The following MAGI2 variants were observed in gnomAD, a reference collection of about 807,000 sequenced individuals.
The protein encoded by MAGI2 is membrane-associated guanylate kinase, WW and PDZ domain-containing protein 2.
MAGI2 carries 35 observed loss-of-function variants against 133.3 expected under a neutral mutation model. That is an observed-to-expected ratio of 0.26 (90% CI 0.20 to 0.35). The LOEUF (loss-of-function observed/expected upper bound fraction) is 0.35. Ranked by LOEUF, MAGI2 falls within the 10% of genes least tolerant of loss-of-function variation. The probability of loss-of-function intolerance (pLI) is 1.00; values close to 1 mark genes in which losing one functional copy is unlikely to be tolerated. For missense variants in MAGI2, 1,636 were observed against 1,863.4 expected (o/e 0.88, Z 2.25); for synonymous variants, 729 against 710.6 (o/e 1.03, Z -0.41).
chr7:78,706,737 G>T (rs1016820807), intron 2 of MAGI2, among the ~76,000 whole-genome samples: 1 of 152,116 alleles, frequency 6.6e-6, no homozygotes, highest in Admixed American at 6.6e-5. Flanking sequence ...GAGAACAGAA[G>T]ATAGCTTGGC....
intron 7 of MAGI2, among the ~76,000 whole-genome samples, chr7:78,349,057 A>G (rs764109355): frequency 6.6e-6 from 1 of 152,204 alleles, no homozygotes; most frequent in Non-Finnish European, 1.5e-5. Context: ...GTGACGTAGT[A>G]TACAGCATCC....
intron 6 of MAGI2, among the ~76,000 whole-genome samples, chr7:78,482,878 T>TAC (rs3086358): frequency 0.19 from 16,915 of 89,206 alleles, 1,003 homozygotes; most frequent in Middle Eastern, 0.22. Flanking sequence ...CACATGGAAC[T>TAC]ACACACACAC....
At chr7:78,107,525 T>A (rs1818820909) in intron 20 of MAGI2, among the ~76,000 whole-genome samples, 1 of 152,158 alleles carries the variant, frequency 6.6e-6, no homozygotes, top group Non-Finnish European at 1.5e-5. Flanking sequence ...CTTTCATCTA[T>A]GTTTTATAGT....
chr7:78,874,163 T>A (rs1207344082), intron 2 of MAGI2, among the ~76,000 whole-genome samples: 1 of 152,050 alleles, frequency 6.6e-6, no homozygotes, highest in African/African-American at 2.4e-5. Context: ...TGTAACACTA[T>A]GAAAACAATT....
intron 9 of MAGI2, among the ~76,000 whole-genome samples, chr7:78,332,164 T>C (rs1236039775): frequency 1.3e-5 from 2 of 152,106 alleles, no homozygotes; most frequent in East Asian, 1.9e-4. Context: ...TGATTTTAAA[T>C]GAAGAGGGAA....
chr7:78,830,699 T>C (rs2151441341), intron 2 of MAGI2, among the ~76,000 whole-genome samples: 1 of 152,284 alleles, frequency 6.6e-6, no homozygotes, highest in East Asian at 1.9e-4. Context: ...AGCTTGGAAC[T>C]TAGAGTGTGA....
At chr7:78,057,577 G>T (rs1584966086) in intron 21 of MAGI2, among the ~76,000 whole-genome samples, 1 of 152,188 alleles carries the variant, frequency 6.6e-6, no homozygotes, top group East Asian at 1.9e-4. Context: ...ATTTTGATTT[G>T]CATTGCCCTG....
intron 21 of MAGI2, among the ~76,000 whole-genome samples, chr7:78,063,527 C>T (rs1813501698): frequency 6.6e-6 from 1 of 152,198 alleles, no homozygotes; most frequent in African/African-American, 2.4e-5. Context: ...CAGCTGTGAG[C>T]CACCGTGCCC....
At chr7:79,001,987 T>TA (rs1806905055) in intron 2 of MAGI2, among the ~76,000 whole-genome samples, 2 of 152,300 alleles carry the variant, frequency 1.3e-5, no homozygotes, top group East Asian at 3.9e-4. Flanking sequence ...GGTTAGTCTT[T>TA]ATCACATTCT....
chr7:78,310,981 C>G (rs1798653118), intron 9 of MAGI2, among the ~76,000 whole-genome samples: 1 of 152,122 alleles, frequency 6.6e-6, no homozygotes, highest in Admixed American at 6.5e-5. Flanking sequence ...GATGAGATAA[C>G]AAATAATGGT....
chr7:79,099,326 A>G (rs1309638214), intron 1 of MAGI2, among the ~76,000 whole-genome samples: 2 of 152,196 alleles, frequency 1.3e-5, no homozygotes, highest in Non-Finnish European at 2.9e-5. Flanking sequence ...AATGAAATAA[A>G]AAACACCAAA....
chr7:78,431,074 C>CTGTGTGTGTGTGTGTGTGTGTGTGTG (rs147567944), intron 6 of MAGI2, among the ~76,000 whole-genome samples: 194 of 146,498 alleles, frequency 1.3e-3, no homozygotes, highest in African/African-American at 4.5e-3. Flanking sequence ...GTGAGGTAGG[C>CTGTGTGTGTGTGTGTGTGTGTGTGTG]TGTGTGTGTG....
chr7:78,401,809 C>A (rs1000271822), intron 6 of MAGI2, among the ~76,000 whole-genome samples: 6 of 152,144 alleles, frequency 3.9e-5, no homozygotes, highest in African/African-American at 1.4e-4. Flanking sequence ...ACCTACCACA[C>A]AGGACTGAGG....
intron 9 of MAGI2, among the ~76,000 whole-genome samples, chr7:78,321,698 A>C (rs1788020298): frequency 6.6e-6 from 1 of 152,232 alleles, no homozygotes; most frequent in African/African-American, 2.4e-5. Context: ...ACCATTCAGG[A>C]CATAGGCATG....
At chr7:78,712,426 C>T (rs1819288572) in intron 2 of MAGI2, among the ~76,000 whole-genome samples, 1 of 152,158 alleles carries the variant, frequency 6.6e-6, no homozygotes, top group South Asian at 2.1e-4. Context: ...TTATAAAAGA[C>T]ACCTCTGTCA....
At position 79,391,659 on chromosome 7, in the gene MAGI2, C is replaced by A. The variant is rs145447194; in HGVS notation, c.301+61361G>T. On this transcript the variant is annotated intron_variant, in intron 1 of 21. Transcript: ENST00000354212. ...ATAGTGGTTTGCTGCACCTTTCATG[C>A]CGTCATGTAGGTGTTTTTTGTTTGT... Among the ~76,000 whole-genome samples the A allele has an allele frequency of 4.9e-3, 734 of 150,624 alleles. 3 individuals are homozygous for A. Among genetic ancestry groups the A allele is most frequent in the Non-Finnish European group, 7.8e-3 (529 of 67,654 alleles).
chr7:78,946,609 G>C (rs1386536205), intron 2 of MAGI2: 2 of 152,098 alleles, frequency 1.3e-5, no homozygotes, highest in African/African-American at 4.8e-5. Context: ...GCAGATAATT[G>C]CTTTTCATGC....
At chr7:79,119,886 T>C (rs2129544542) in intron 1 of MAGI2, among the ~76,000 whole-genome samples, 1 of 152,202 alleles carries the variant, frequency 6.6e-6, no homozygotes, top group East Asian at 1.9e-4. Flanking sequence ...CTGCTAAACA[T>C]AGAAACTAAA....
chr7:78,430,267 A>G (rs1009391153), intron 6 of MAGI2, among the ~76,000 whole-genome samples: 3 of 83,684 alleles, frequency 3.6e-5, no homozygotes, highest in African/African-American at 1.3e-4. Flanking sequence ...TTTTTTTTTA[A>G]TAAGAGGGGC....
Sources: allele counts gnomAD v4.1 joint callset (sites outside exome capture counted in the v4.1 genomes callset), GRCh38; gene constraint gnomAD v4.1.1; transcripts MANE v1.5; gene names NCBI Gene and HGNC (gene_info 2026-07-23, HGNC 2026-07-21).